SLC24A2: variants seen among roughly 807,000 people sequenced by gnomAD.
SLC24A2 encodes the protein solute carrier family 24 member 2.
A neutral mutation model predicts 62.0 loss-of-function variants in SLC24A2; 36 were observed. The ratio of observed to expected loss-of-function variants is 0.58; its 90% CI spans 0.44 to 0.77. SLC24A2 has a LOEUF of 0.77. SLC24A2 is among the 30% of genes least tolerant of loss of function. The pLI is 0.00. For missense variants in SLC24A2, 846 were observed against 817.9 expected (o/e 1.03, Z -0.42); for synonymous variants, 358 against 294.0 (o/e 1.22, Z -2.23).
chr9:19,764,241 T>A (rs1049432912), intron 2 of SLC24A2, among the ~76,000 whole-genome samples: 9 of 152,200 alleles, frequency 5.9e-5, no homozygotes, highest in African/African-American at 2.2e-4. Flanking sequence ...CTATCTACTT[T>A]GTTAATCTTT....
At chr9:20,123,929 A>G in the SLC24A2 span, among the ~76,000 whole-genome samples, 16,639 of 152,214 alleles carry the variant, frequency 0.11, 1,670 homozygotes, top group East Asian at 0.55. Flanking sequence ...GCTCACTAGC[A>G]TTTTGAAAAT....
chr9:19,908,539 T>C, the SLC24A2 span, among the ~76,000 whole-genome samples: 1 of 151,658 alleles, frequency 6.6e-6, no homozygotes, highest in Non-Finnish European at 1.5e-5. Context: ...ACCATCAGAG[T>C]GAACAGACAA....
chr9:19,516,220 T>A lies in SLC24A2; in HGVS notation c.1919A>T (p.Tyr640Phe). The A allele has an allele frequency of 6.2e-7, 1 of 1,613,924 alleles. No individual in the cohort carries two copies. The highest frequency in any genetic ancestry group is 8.5e-7 in the Non-Finnish European group (1 of 1,179,972). The change falls in exon 11 of 11, where the codon TAC (tyrosine) becomes TTC (phenylalanine). Residue 640 changes from tyrosine (Y) to phenylalanine (F), a missense_variant. Physicochemically the swap from Tyr to Phe is conservative, Grantham distance 22. Coordinates refer to ENST00000341998, the MANE Select transcript of SLC24A2 (RefSeq NM_020344.4). ...AACGCTCACCACCAGGAACACAAAG[T>A]AGAGGCCAAACATGATGAAGCCCAG... ...KILGFIMFGL[Y>F]FVFLVVSVLL...
the SLC24A2 span, among the ~76,000 whole-genome samples, chr9:20,006,160 T>C: frequency 1.3e-5 from 2 of 151,416 alleles, no homozygotes; most frequent in African/African-American, 4.8e-5. Flanking sequence ...TATACCTACT[T>C]TTCATATTTA....
At chr9:19,899,894 A>C in the SLC24A2 span, among the ~76,000 whole-genome samples, 1 of 152,140 alleles carries the variant, frequency 6.6e-6, no homozygotes, top group African/African-American at 2.4e-5. Flanking sequence ...ATTACCTCCC[A>C]CCAGGTCACT....
chr9:19,887,278 T>G, the SLC24A2 span, among the ~76,000 whole-genome samples: 1 of 152,208 alleles, frequency 6.6e-6, no homozygotes, highest in East Asian at 1.9e-4. Context: ...TAAATTTGCT[T>G]AAGTTCCTTG....
the SLC24A2 span, among the ~76,000 whole-genome samples, chr9:19,887,125 A>T: frequency 6.6e-6 from 1 of 152,180 alleles, no homozygotes; most frequent in Non-Finnish European, 1.5e-5. Context: ...TGATGAGTTG[A>T]TAGGTGCAGC....
At chr9:19,573,541 G>GAT in intron 6 of SLC24A2, 72 bp from the exon 7 acceptor site, 1 of 857,894 alleles carries the variant, frequency 1.2e-6, no homozygotes, top group Non-Finnish European at 2.0e-6. Context: ...GAGAGAGAGA[G>GAT]AGAGAGAGAG....
At chr9:20,259,883 G>C in the SLC24A2 span, among the ~76,000 whole-genome samples, 1 of 152,182 alleles carries the variant, frequency 6.6e-6, no homozygotes, top group Non-Finnish European at 1.5e-5. Context: ...GAGCCCAGGA[G>C]TTTGAGACCA....
At chr9:19,844,536 A>T in the SLC24A2 span, among the ~76,000 whole-genome samples, 2 of 151,770 alleles carry the variant, frequency 1.3e-5, no homozygotes, top group Non-Finnish European at 2.9e-5. Context: ...CCATTTGTCA[A>T]TTTTTTTTGT....
chr9:19,883,779 A>G, the SLC24A2 span, among the ~76,000 whole-genome samples: 1 of 152,048 alleles, frequency 6.6e-6, no homozygotes, highest in Non-Finnish European at 1.5e-5. Context: ...GTTAGCCAGG[A>G]TGGTCTTGAT....
chr9:19,798,568 T>A, the SLC24A2 span, among the ~76,000 whole-genome samples: 13 of 151,066 alleles, frequency 8.6e-5, no homozygotes, highest in East Asian at 2.5e-3. Flanking sequence ...CTTTTATATA[T>A]GAACAATACG....
chr9:20,140,284 G>C, the SLC24A2 span, among the ~76,000 whole-genome samples: 1 of 152,202 alleles, frequency 6.6e-6, no homozygotes, highest in African/African-American at 2.4e-5. Context: ...TGTACACAGA[G>C]AGAGTGGAAT....
chr9:19,716,755 T>C (rs77362191), intron 2 of SLC24A2, among the ~76,000 whole-genome samples: 1 of 152,192 alleles, frequency 6.6e-6, no homozygotes, highest in South Asian at 2.1e-4. Context: ...CCCATTCCCA[T>C]AGTCTCTTTT....
At chr9:19,960,585 A>T in the SLC24A2 span, among the ~76,000 whole-genome samples, 72,033 of 152,022 alleles carry the variant, frequency 0.47, 17,867 homozygotes, top group Non-Finnish European at 0.55. Context: ...GTAATAATAC[A>T]TACCTCAAAG....
At chr9:19,627,650 C>G (rs1818068438) in intron 2 of SLC24A2, among the ~76,000 whole-genome samples, 2 of 152,124 alleles carry the variant, frequency 1.3e-5, no homozygotes, top group Non-Finnish European at 2.9e-5. Flanking sequence ...TTCAGCCTCC[C>G]AAGTAGTTGG....
chr9:19,981,947 G>C, the SLC24A2 span, among the ~76,000 whole-genome samples: 2 of 152,142 alleles, frequency 1.3e-5, no homozygotes, highest in African/African-American at 4.8e-5. Flanking sequence ...AGATGGTCAA[G>C]CCCAACATCA....
At chr9:20,006,399 A>G in the SLC24A2 span, among the ~76,000 whole-genome samples, 1 of 152,018 alleles carries the variant, frequency 6.6e-6, no homozygotes, top group African/African-American at 2.4e-5. Context: ...AAGATCTAGT[A>G]TTTGATAGCA....
chr9:20,180,617 T>G, the SLC24A2 span, among the ~76,000 whole-genome samples: 1 of 152,142 alleles, frequency 6.6e-6, no homozygotes, highest in South Asian at 2.1e-4. Context: ...AATGATCACA[T>G]TTAGAATTAT....
Sources: gnomAD v4.1 joint callset for allele counts (sites outside exome capture counted in the v4.1 genomes callset) on GRCh38, gnomAD v4.1.1 for gene constraint, MANE v1.5 for transcripts, NCBI Gene and HGNC (gene_info 2026-07-23, HGNC 2026-07-21) for gene names.